Variants in ARL15 observed in about 807,000 individuals in gnomAD.
The protein encoded by ARL15 is ARF like GTPase 15.
A neutral mutation model predicts 25.2 loss-of-function variants in ARL15; 19 were observed. The observed-to-expected ratio is 0.75, with a 90% CI of 0.53 to 1.10. The LOEUF is 1.10. ARL15 is among the 50% of genes least tolerant of loss of function. The pLI is 0.00. For synonymous variants in ARL15, 94 were observed against 86.8 expected (o/e 1.08, Z -0.46); for missense variants, 220 against 246.0 (o/e 0.89, Z 0.71).
At chr5:54,260,783 CTT>C (rs1757481347) in intron 1 of ARL15, among the ~76,000 whole-genome samples, 1 of 152,174 alleles carries the variant, frequency 6.6e-6, no homozygotes, top group Non-Finnish European at 1.5e-5. Flanking sequence ...GTCCAGCCCT[CTT>C]GTTTTACAGA....
chr5:53,907,472 ATATATATATATATATATTT>A (rs1745285118), intron 4 of ARL15, among the ~76,000 whole-genome samples: 1 of 21,230 alleles, frequency 4.7e-5, no homozygotes, highest in Non-Finnish European at 9.1e-5. Context: ...ATATATATAT[ATATATATATATATATATTT>A]TTTTTTTTTT....
chr5:54,254,803 A>T (rs1043862125), intron 1 of ARL15, among the ~76,000 whole-genome samples: 3 of 152,244 alleles, frequency 2.0e-5, no homozygotes, highest in Admixed American at 6.5e-5. Flanking sequence ...GTTATCACAA[A>T]ATTGTTTACC....
chr5:53,975,530 T>C (rs999852152), intron 4 of ARL15, among the ~76,000 whole-genome samples: 9 of 152,204 alleles, frequency 5.9e-5, no homozygotes, highest in Non-Finnish European at 2.9e-5. Context: ...AGCAGCAGCA[T>C]GCAAAGGACT....
At chr5:54,004,678 T>C (rs1748960929) in intron 4 of ARL15, among the ~76,000 whole-genome samples, 1 of 152,074 alleles carries the variant, frequency 6.6e-6, no homozygotes, top group Admixed American at 6.6e-5. Context: ...TAAATTATTT[T>C]AGAGTTTGGT....
At chr5:54,033,008 A>G (rs1055900113) in intron 4 of ARL15, among the ~76,000 whole-genome samples, 1 of 151,704 alleles carries the variant, frequency 6.6e-6, no homozygotes, top group Non-Finnish European at 1.5e-5. Context: ...GGAAGTTGGA[A>G]TCTACAGCTA....
chr5:53,940,501 T>C (rs1010833906), intron 4 of ARL15, among the ~76,000 whole-genome samples: 32 of 152,224 alleles, frequency 2.1e-4, no homozygotes, highest in Admixed American at 1.0e-3. Flanking sequence ...TGGTGGAAGT[T>C]ACGTATATTT....
chr5:54,125,328 C>T (rs1458203935), intron 3 of ARL15, among the ~76,000 whole-genome samples: 2 of 152,120 alleles, frequency 1.3e-5, no homozygotes, highest in East Asian at 3.9e-4. Flanking sequence ...GCCACCGCGC[C>T]CAGCCCCAGT....
intron 4 of ARL15, among the ~76,000 whole-genome samples, chr5:53,921,658 G>C (rs1745864269): frequency 6.6e-6 from 1 of 152,180 alleles, no homozygotes; most frequent in African/African-American, 2.4e-5. Context: ...AGTAGTCCCA[G>C]CTACTTGGGA....
rs145141549 is a variant in ARL15 at position 54,289,774 on chromosome 5, A to C, written c.48+20658T>G. On this transcript the variant is annotated intron_variant, in intron 1 of 4. Transcript: ENST00000504924. ...AGTAGTACCTATTTCATTGGGTACT[A>C]AGAGGATTCAATGAGTTATAAAAGG... Among the ~76,000 whole-genome samples the C allele has an allele frequency of 6.2e-3, 941 of 152,346 alleles. 16 individuals are homozygous for C. Among genetic ancestry groups the C allele is most frequent in the African/African-American group, 0.021 (888 of 41,566 alleles).
chr5:54,197,085 G>A (rs1755570940), intron 1 of ARL15, among the ~76,000 whole-genome samples: 1 of 151,694 alleles, frequency 6.6e-6, no homozygotes, highest in South Asian at 2.1e-4. Context: ...ACATAGATTT[G>A]TACTTCCTTT....
At chr5:54,068,922 C>A (rs1295929842) in intron 4 of ARL15, among the ~76,000 whole-genome samples, 1 of 152,076 alleles carries the variant, frequency 6.6e-6, no homozygotes, top group African/African-American at 2.4e-5. Context: ...CTTAATAATG[C>A]CAGTTGAGAG....
At chr5:53,935,623 C>G (rs1258162964) in intron 4 of ARL15, among the ~76,000 whole-genome samples, 1 of 152,192 alleles carries the variant, frequency 6.6e-6, no homozygotes, top group Admixed American at 6.5e-5. Flanking sequence ...TTCTGGATTC[C>G]TGGGTAAACC....
intron 4 of ARL15, among the ~76,000 whole-genome samples, chr5:53,997,812 A>C (rs1318181376): frequency 6.6e-6 from 1 of 152,060 alleles, no homozygotes; most frequent in Admixed American, 6.6e-5. Context: ...CGCTTTGGAA[A>C]TCTCCACTTA....
chr5:54,171,398 ATCAGTTTACTAT>A (rs1340123733), intron 2 of ARL15, among the ~76,000 whole-genome samples: 1 of 152,180 alleles, frequency 6.6e-6, no homozygotes, highest in Non-Finnish European at 1.5e-5. Flanking sequence ...TTCAGACTAC[ATCAGTTTACTAT>A]TCAGGGAGTG....
chr5:54,209,466 A>G (rs1015107222), intron 1 of ARL15, among the ~76,000 whole-genome samples: 2 of 152,144 alleles, frequency 1.3e-5, no homozygotes, highest in Admixed American at 6.5e-5. Flanking sequence ...TTTTCACATA[A>G]TAAGTTCTAT....
intron 4 of ARL15, among the ~76,000 whole-genome samples, chr5:54,081,816 G>T (rs1328480519): frequency 6.6e-6 from 1 of 152,100 alleles, no homozygotes; most frequent in African/African-American, 2.4e-5. Flanking sequence ...AACAGGCTAG[G>T]TATGGTGGCT....
intron 4 of ARL15, among the ~76,000 whole-genome samples, chr5:54,106,705 T>C (rs987450452): frequency 3.3e-5 from 5 of 152,158 alleles, no homozygotes; most frequent in African/African-American, 7.2e-5. Context: ...ATATTTTCAA[T>C]TGGTTGTTGG....
At chr5:54,223,966 A>G (rs1356207153) in intron 1 of ARL15, among the ~76,000 whole-genome samples, 1 of 152,114 alleles carries the variant, frequency 6.6e-6, no homozygotes, top group Non-Finnish European at 1.5e-5. Flanking sequence ...TCAGAGCAAA[A>G]AGTACGCATC....
chr5:54,245,778 A>C (rs1757072619), intron 1 of ARL15, among the ~76,000 whole-genome samples: 1 of 151,966 alleles, frequency 6.6e-6, no homozygotes, highest in Non-Finnish European at 1.5e-5. Flanking sequence ...AGTAGAGCCG[A>C]GGGTTCACCA....
Sources: gnomAD v4.1 joint callset for allele counts (sites outside exome capture counted in the v4.1 genomes callset) on GRCh38, gnomAD v4.1.1 for gene constraint, MANE v1.5 for transcripts, NCBI Gene and HGNC (gene_info 2026-07-23, HGNC 2026-07-21) for gene names.